Variants in PRICKLE1 observed in about 807,000 individuals in gnomAD.
PRICKLE1 encodes prickle planar cell polarity protein 1.
PRICKLE1 carries 14 observed loss-of-function variants against 70.2 expected under a neutral mutation model. That is an observed-to-expected ratio of 0.20 (90% CI 0.13 to 0.31). PRICKLE1 has a LOEUF of 0.31. Among genes scored for constraint, PRICKLE1 ranks in the 10% least tolerant of loss-of-function variants. The probability of loss-of-function intolerance (pLI) is 1.00; values close to 1 mark genes in which losing one functional copy is unlikely to be tolerated. For missense variants in PRICKLE1, 821 were observed against 1,026.2 expected (o/e 0.80, Z 2.73); for synonymous variants, 357 against 379.9 (o/e 0.94, Z 0.70).
chr12:42,500,549 C>A (rs1266825763), intron 1 of PRICKLE1, among the ~76,000 whole-genome samples: 1 of 152,074 alleles, frequency 6.6e-6, no homozygotes, highest in Non-Finnish European at 1.5e-5. Context: ...TTCTACTGAA[C>A]GTATCTCACA....
At chr12:42,517,399 GC>G (rs1458173922) in intron 1 of PRICKLE1, among the ~76,000 whole-genome samples, 1 of 134,582 alleles carries the variant, frequency 7.4e-6, no homozygotes, top group Admixed American at 8.8e-5. Flanking sequence ...TGCAACCTCT[GC>G]CTCCCAGGTT....
chr12:42,536,398 T>G lies in PRICKLE1; in HGVS notation c.-49+53067A>C, dbSNP rs1404164639. On this transcript the variant is annotated intron_variant, in intron 1 of 7. Transcript: ENST00000345127. Reference sequence around the variant, plus strand: ...AGCTTTTCCTGGTTTTCACCACCCCTAGATCCTCCAGCTGATTTCTCCTTC... The same window carrying G: ...AGCTTTTCCTGGTTTTCACCACCCCGAGATCCTCCAGCTGATTTCTCCTTC... 2.6e-5 allele frequency among the ~76,000 whole-genome samples: 4 copies of G among 152,154 alleles called. No individual in the cohort carries two copies. The East Asian group carries it at 7.7e-4, about 29-fold the overall frequency.
At chr12:42,522,294 A>G (rs2120483700) in intron 1 of PRICKLE1, among the ~76,000 whole-genome samples, 1 of 152,020 alleles carries the variant, frequency 6.6e-6, no homozygotes, top group African/African-American at 2.4e-5. Context: ...TTTGTAAGAG[A>G]CAGCATCTAC....
chr12:42,526,143 G>A (rs757139251), intron 1 of PRICKLE1, among the ~76,000 whole-genome samples: 19 of 152,308 alleles, frequency 1.2e-4, no homozygotes, highest in African/African-American at 2.4e-4. Flanking sequence ...AAGCTCAGCC[G>A]GTAGAATGTG....
intron 1 of PRICKLE1, among the ~76,000 whole-genome samples, chr12:42,553,842 C>T (rs1592023897): frequency 6.6e-6 from 1 of 152,186 alleles, no homozygotes; most frequent in East Asian, 1.9e-4. Flanking sequence ...GGGGTTCACG[C>T]CTGTAATCCC....
intron 1 of PRICKLE1, among the ~76,000 whole-genome samples, chr12:42,567,713 G>C (rs1940643116): frequency 6.7e-6 from 1 of 149,886 alleles, no homozygotes; most frequent in Admixed American, 6.7e-5. Flanking sequence ...TGTAATCCTA[G>C]CTACTCGAGA....
At chr12:42,575,827 C>G (rs1272987087) in intron 1 of PRICKLE1, among the ~76,000 whole-genome samples, 3 of 152,164 alleles carry the variant, frequency 2.0e-5, no homozygotes, top group African/African-American at 7.2e-5. Context: ...ATGACTTGGC[C>G]AAACTCCTAT....
chr12:42,502,422 C>T (rs528401352), intron 1 of PRICKLE1, among the ~76,000 whole-genome samples: 1 of 152,146 alleles, frequency 6.6e-6, no homozygotes, highest in East Asian at 1.9e-4. Flanking sequence ...ATCTTCCTGC[C>T]TCAGCCTCCC....
chr12:42,459,987 T>C lies in PRICKLE1; in HGVS notation c.2318A>G (p.Glu773Gly). 1 of 1,614,042 alleles carries C rather than the reference T, an allele frequency of 6.2e-7. No homozygotes were observed. The highest frequency in any genetic ancestry group is 8.5e-7 in the Non-Finnish European group (1 of 1,179,994). The change falls in exon 8 of 8, where the codon GAA (glutamate) becomes GGA (glycine). Residue 773 changes from glutamate to glycine, a missense_variant. By Grantham distance (98) the Glu-to-Gly change is moderately conservative. Transcript: ENST00000345127. ...CSSSSSSSDS[E>G]EEGYFLGQPI... ...TTGTCCAAGAAAATATCCTTCTTCT[T>C]CCGAGTCGGAAGAGGAGGAGGAGGA...
chr12:42,564,508 T>C (rs2120722465), intron 1 of PRICKLE1, among the ~76,000 whole-genome samples: 1 of 152,050 alleles, frequency 6.6e-6, no homozygotes, highest in South Asian at 2.1e-4. Flanking sequence ...CTCAGGAGGC[T>C]GAGGCAGGAG....
chr12:42,509,905 T>G (rs1451549840), intron 1 of PRICKLE1, among the ~76,000 whole-genome samples: 2 of 151,620 alleles, frequency 1.3e-5, no homozygotes, highest in Non-Finnish European at 2.9e-5. Flanking sequence ...AAACCCTGTC[T>G]CTACTAAGAA....
chr12:42,479,147 G>A (rs909902113), intron 1 of PRICKLE1, among the ~76,000 whole-genome samples: 11 of 152,208 alleles, frequency 7.2e-5, no homozygotes, highest in Admixed American at 1.3e-4. Flanking sequence ...CTATTGCAAC[G>A]TACCAATTGG....
intron 1 of PRICKLE1, among the ~76,000 whole-genome samples, chr12:42,582,910 G>A (rs953344704): frequency 1.9e-4 from 29 of 152,186 alleles, no homozygotes; most frequent in African/African-American, 6.0e-4. Flanking sequence ...GCCCAGGGAA[G>A]CCAAAAGGTT....
chr12:42,527,898 T>C (rs1328937875), intron 1 of PRICKLE1, among the ~76,000 whole-genome samples: 3 of 138,860 alleles, frequency 2.2e-5, no homozygotes, highest in Non-Finnish European at 4.6e-5. Flanking sequence ...CCAACTGGAG[T>C]TTATATATAC....
At chr12:42,551,798 A>G (rs1359440065) in intron 1 of PRICKLE1, among the ~76,000 whole-genome samples, 3 of 152,208 alleles carry the variant, frequency 2.0e-5, no homozygotes, top group Non-Finnish European at 4.4e-5. Context: ...AGTTAATTTC[A>G]TAAGCAGACA....
rs1339570016 is a variant in PRICKLE1, at chr12:42,459,570, G to A, written c.*239C>T. On this transcript the variant is annotated 3_prime_UTR_variant, in exon 8 of 8. Transcript: ENST00000345127. The stretch of plus-strand genomic sequence containing the variant: ...CAAAGCAGCTACGTCCATCTGTAAC[G>A]CACCCGCACCGGACAGGCACGAGAT... 3 of 621,624 alleles carry A rather than the reference G, an allele frequency of 4.8e-6. No homozygotes were observed. Among genetic ancestry groups the A allele is most frequent in the African/African-American group, 3.7e-5 (2 of 54,212 alleles). The allele number at this position is 621,624 out of a possible 1,614,324, so 38.5% of individuals were successfully genotyped here.
intron 1 of PRICKLE1, among the ~76,000 whole-genome samples, chr12:42,511,029 A>C (rs1383406919): frequency 3.3e-5 from 5 of 152,218 alleles, no homozygotes; most frequent in Admixed American, 3.3e-4. Flanking sequence ...ACACTTCAAA[A>C]GAAGCAGGCC....
In PRICKLE1 at chr12:42,459,706, A is replaced by G. The variant is rs1368228903; in HGVS notation, c.*103T>C. On this transcript the variant is annotated 3_prime_UTR_variant, in exon 8 of 8. Coordinates refer to ENST00000345127, the MANE Select transcript of PRICKLE1 (RefSeq NM_153026.3). The stretch of plus-strand genomic sequence containing the variant: ...TGAGTTCTCATTTACATGGGCAAAG[A>G]AAGCACTTTAAACTATTTTCACAAC... 1.1e-5 allele frequency: 15 copies of G among 1,351,626 alleles called. No individual in the cohort carries two copies. Among genetic ancestry groups the G allele is most frequent in the Admixed American group, 8.7e-5 (5 of 57,356 alleles). 83.7% of individuals were successfully genotyped at this position (1,351,626 alleles called of 1,614,324 possible).
At chr12:42,571,279 T>C (rs879700977) in intron 1 of PRICKLE1, among the ~76,000 whole-genome samples, 5 of 152,160 alleles carry the variant, frequency 3.3e-5, no homozygotes, top group African/African-American at 7.2e-5. Flanking sequence ...CTGTATATCA[T>C]AGATTTGGTA....
Sources: gnomAD v4.1 joint callset for allele counts (sites outside exome capture counted in the v4.1 genomes callset) on GRCh38, gnomAD v4.1.1 for gene constraint, MANE v1.5 for transcripts, NCBI Gene and HGNC (gene_info 2026-07-23, HGNC 2026-07-21) for gene names.